ARMC9: variants seen among roughly 807,000 people sequenced by gnomAD.
ARMC9 encodes armadillo repeat containing 9.
ARMC9 carries 94 observed loss-of-function variants against 107.0 expected under a neutral mutation model. That is an observed-to-expected ratio of 0.88 (90% CI 0.74 to 1.04). The LOEUF (loss-of-function observed/expected upper bound fraction) is 1.04, where lower values mean the gene tolerates loss of function less well. Ranked by LOEUF, ARMC9 falls within the 50% of genes least tolerant of loss-of-function variation. The pLI is 0.00. For synonymous variants in ARMC9, 380 were observed against 396.9 expected, an observed-to-expected ratio of 0.96 and a Z score of 0.51; for missense variants, 942 against 1,030.1, an observed-to-expected ratio of 0.91 and a Z score of 1.17.
chr2:231,204,591 G>A (rs1438509886), intron 1 of ARMC9, among the ~76,000 whole-genome samples: 1 of 152,040 alleles, frequency 6.6e-6, no homozygotes, highest in Non-Finnish European at 1.5e-5. Context: ...AGCCTGTACT[G>A]TGTGCCAGGC....
chr2:231,321,615 T>G (rs1262716016), intron 19 of ARMC9, among the ~76,000 whole-genome samples: 2 of 152,192 alleles, frequency 1.3e-5, no homozygotes, highest in Non-Finnish European at 2.9e-5. Context: ...AACTAGCCCA[T>G]CTTCACTTGC....
chr2:231,310,140 C>T (rs1354103723), intron 19 of ARMC9, among the ~76,000 whole-genome samples: 6 of 152,022 alleles, frequency 3.9e-5, no homozygotes, highest in East Asian at 1.9e-4. Flanking sequence ...TGGGGCCGGG[C>T]GCGGTGGCTC....
intron 21 of ARMC9, among the ~76,000 whole-genome samples, chr2:231,347,386 ACAC>A (rs1430955222): frequency 6.6e-6 from 1 of 152,200 alleles, no homozygotes; most frequent in Non-Finnish European, 1.5e-5. Context: ...CCTCAGAAGC[ACAC>A]AGACCAAGCT....
intron 19 of ARMC9, among the ~76,000 whole-genome samples, chr2:231,317,527 G>T (rs372732522): frequency 1.5e-3 from 222 of 143,356 alleles, no homozygotes; most frequent in East Asian, 7.0e-3. Context: ...TTGTTTTGGG[G>T]TTTTTTTTTT....
At chr2:231,218,272 G>A (rs1013134816) in intron 5 of ARMC9, among the ~76,000 whole-genome samples, 11 of 152,072 alleles carry the variant, frequency 7.2e-5, no homozygotes, top group Admixed American at 3.9e-4. Context: ...TCCTCTCCCA[G>A]AAGGTTGAAG....
chr2:231,244,727 C>T (rs1039381199), intron 9 of ARMC9, among the ~76,000 whole-genome samples: 2 of 152,212 alleles, frequency 1.3e-5, no homozygotes, highest in African/African-American at 2.4e-5. Context: ...CTGGGAATTA[C>T]GGAAGCATTC....
chr2:231,355,688 A>G (rs1365458966), intron 21 of ARMC9, 110 bp from the exon 22 acceptor site: 4 of 1,310,514 alleles, frequency 3.1e-6, no homozygotes, highest in Non-Finnish European at 4.1e-6. Context: ...TGGTTTAACA[A>G]GACTTTGAGG....
intron 19 of ARMC9, among the ~76,000 whole-genome samples, chr2:231,329,332 C>A (rs1397268206): frequency 6.6e-6 from 1 of 151,776 alleles, no homozygotes; most frequent in East Asian, 1.9e-4. Flanking sequence ...TTTTTTGAGA[C>A]AGAATTTTGC....
rs114375073 is a variant in ARMC9 at position 231,344,415 on chromosome 2, A to G, written c.1879-560A>G. On this transcript the variant is annotated intron_variant, in intron 20 of 24. Coordinates refer to ENST00000611582, the MANE Select transcript of ARMC9 (RefSeq NM_001352754.2). ...GTCTTTTTTGTTTCTTCTACTTACTAGTAATACTTTCTATTTTGTGACATG... is the reference window on the plus strand; with the variant it reads ...GTCTTTTTTGTTTCTTCTACTTACTGGTAATACTTTCTATTTTGTGACATG... Among the ~76,000 whole-genome samples the G allele has an allele frequency of 1.2e-3, 183 of 152,298 alleles. 1 individual carries two copies. The highest frequency in any genetic ancestry group is 4.3e-3 in the African/African-American group (178 of 41,568).
intron 3 of ARMC9, among the ~76,000 whole-genome samples, chr2:231,208,878 G>T (rs1231016643): frequency 6.6e-6 from 1 of 152,100 alleles, no homozygotes; most frequent in Non-Finnish European, 1.5e-5. Context: ...AGACCAGCCT[G>T]TGCAACACAG....
At chr2:231,209,351 A>C (rs916496996) in intron 3 of ARMC9, among the ~76,000 whole-genome samples, 2 of 152,202 alleles carry the variant, frequency 1.3e-5, no homozygotes, top group Non-Finnish European at 1.5e-5. Context: ...GCTGCACTCC[A>C]GCTGTAGTGA....
chr2:231,284,566 G>A (rs1399909453), intron 17 of ARMC9, among the ~76,000 whole-genome samples: 1 of 152,164 alleles, frequency 6.6e-6, no homozygotes, highest in Non-Finnish European at 1.5e-5. Flanking sequence ...TCTCCATAAG[G>A]CTTCTCTTGA....
chr2:231,348,319 C>T (rs999284119), intron 21 of ARMC9, among the ~76,000 whole-genome samples: 1 of 152,346 alleles, frequency 6.6e-6, no homozygotes, highest in East Asian at 1.9e-4. Context: ...CAGACACCCT[C>T]TAGAAACTGG....
chr2:231,202,994 C>G (rs2031317435), intron 1 of ARMC9, among the ~76,000 whole-genome samples: 2 of 152,180 alleles, frequency 1.3e-5, no homozygotes, highest in Non-Finnish European at 2.9e-5. Flanking sequence ...GACACAGAAA[C>G]AGTTCAAGCC....
intron 22 of ARMC9, among the ~76,000 whole-genome samples, chr2:231,357,552 GTCC>G (rs2045393982): frequency 1.3e-5 from 2 of 151,400 alleles, no homozygotes; most frequent in Non-Finnish European, 2.9e-5. Context: ...AACACCCCTA[GTCC>G]TCCTTTTATT....
chr2:231,214,884 G>A lies in ARMC9; in HGVS notation c.231G>A (p.Leu77=). 1.2e-6 allele frequency: 2 copies of A among 1,614,222 alleles called. No individual in the cohort carries two copies. Among genetic ancestry groups the A allele is most frequent in the Non-Finnish European group, 1.7e-6 (2 of 1,180,048 alleles). Residue 77 remains leucine, a synonymous_variant, in exon 4 of 25, where the codon CTG becomes CTA. Coordinates refer to ENST00000611582, the MANE Select transcript of ARMC9 (RefSeq NM_001352754.2). Reference sequence around the variant, plus strand: ...GAGACCAGAAGGTGTTCTTCGATCTGTGGGAGGAGCACATTTCAAGTTCCA... The same window carrying A: ...GAGACCAGAAGGTGTTCTTCGATCTATGGGAGGAGCACATTTCAAGTTCCA... The part of the protein sequence containing the change: ...DNGDQKVFFD[L]WEEHISSSIR...
intron 17 of ARMC9, among the ~76,000 whole-genome samples, chr2:231,288,891 A>G (rs1469782749): frequency 1.3e-5 from 2 of 152,212 alleles, no homozygotes; most frequent in African/African-American, 4.8e-5. Context: ...ATACAAACAC[A>G]GGCTTCTCTA....
At chr2:231,270,790 C>G in intron 12 of ARMC9, 192 bp from the exon 13 acceptor site, 3 of 697,100 alleles carry the variant, frequency 4.3e-6, no homozygotes, top group Non-Finnish European at 8.0e-6. Context: ...GTCTGACTAA[C>G]TTATTTTTGC....
chr2:231,242,153 T>C (rs1440526291), intron 9 of ARMC9, among the ~76,000 whole-genome samples: 3 of 150,864 alleles, frequency 2.0e-5, no homozygotes. Context: ...TCAAATGCTT[T>C]TTTTTTTTTT....
Sources: gnomAD v4.1 joint callset for allele counts (sites outside exome capture counted in the v4.1 genomes callset) on GRCh38, gnomAD v4.1.1 for gene constraint, MANE v1.5 for transcripts, NCBI Gene and HGNC (gene_info 2026-07-23, HGNC 2026-07-21) for gene names.